The following ZFHX3 variants were observed in gnomAD, a reference collection of about 807,000 sequenced individuals.
ZFHX3 encodes the protein zinc finger homeobox protein 3.
Under a neutral mutation model 279.1 loss-of-function variants are expected in ZFHX3, and 42 were observed. That is an observed-to-expected ratio of 0.15 (90% CI 0.12 to 0.19). The LOEUF is 0.19. ZFHX3 is among the 10% of genes least tolerant of loss of function. The pLI, the probability that ZFHX3 is intolerant of heterozygous loss-of-function variation, is 1.00. For synonymous variants in ZFHX3, 2,293 were observed against 1,957.8 expected, an observed-to-expected ratio of 1.17 and a Z score of -4.52; for missense variants, 4,981 against 4,754.0, an observed-to-expected ratio of 1.05 and a Z score of -1.40.
intron 5 of ZFHX3, among the ~76,000 whole-genome samples, chr16:72,822,726 C>A (rs570266985): frequency 1.3e-5 from 2 of 151,390 alleles, no homozygotes; most frequent in Admixed American, 1.3e-4. Context: ...TTTATCTATA[C>A]CTTGATGATA....
At chr16:73,491,960 G>T (rs193112929) in intron 2 of ZFHX3, among the ~76,000 whole-genome samples, 3 of 152,236 alleles carry the variant, frequency 2.0e-5, no homozygotes, top group African/African-American at 7.2e-5. Flanking sequence ...TCCCCATCTT[G>T]CCCATTGAGT....
intron 4 of ZFHX3, among the ~76,000 whole-genome samples, chr16:72,848,432 G>T (rs2037531628): frequency 6.6e-6 from 1 of 152,036 alleles, no homozygotes; most frequent in Admixed American, 6.6e-5. Flanking sequence ...ATCCACAAGG[G>T]GTCTCTGAGG....
rs192730676 is a variant in ZFHX3, at chr16:73,571,130, C to A, written c.-1547+109050G>T. Among the ~76,000 whole-genome samples the A allele has an allele frequency of 2.6e-5, 4 of 152,004 alleles. No homozygotes were observed. The East Asian group carries it at 5.8e-4, about 22-fold the overall frequency. On this transcript the variant is annotated intron_variant, in intron 2 of 17. Transcript: ENST00000641206. ...ATGGTAACAGCATAATTTTTTATTT[C>A]TTTTGTATTATAATTTAGGCTGACA...
At chr16:73,471,823 T>C (rs1434814216) in intron 2 of ZFHX3, among the ~76,000 whole-genome samples, 3 of 152,212 alleles carry the variant, frequency 2.0e-5, no homozygotes, top group African/African-American at 7.2e-5. Flanking sequence ...ATGAGGAAGC[T>C]GCTTGAATCT....
At position 72,959,496 on chromosome 16, in the gene ZFHX3, T is replaced by A. The variant is rs1961452929; in HGVS notation, c.650A>T (p.Asn217Ile). Residue 217 changes from asparagine (N) to isoleucine (I), a missense_variant, in exon 2 of 10, where the codon AAT becomes ATT. Physicochemically the swap from Asn to Ile is moderately radical, Grantham distance 149. Coordinates refer to ENST00000268489, the MANE Select transcript of ZFHX3 (RefSeq NM_006885.4). ...GCTGAGCCCCGCCAGGGCTGAGGTA[T>A]TCGGGAAAGCCTGGTCTGGGCCCTC... ...WFEGPDQAFP[N>I]TSALAGLSPV... 6.2e-7 allele frequency: 1 copy of A among 1,614,258 alleles called. No individual in the cohort carries two copies.
chr16:73,838,511 GAATACT>G (rs1350544047), intron 1 of ZFHX3, among the ~76,000 whole-genome samples: 3 of 152,184 alleles, frequency 2.0e-5, no homozygotes, highest in African/African-American at 7.2e-5. Context: ...GAACTTCAAT[GAATACT>G]AATATAGCTT....
chr16:73,890,258 C>CA lies in ZFHX3; in HGVS notation c.-1608+1392dup, dbSNP rs1285852946. On this transcript the variant is annotated intron_variant, in intron 1 of 17. Transcript: ENST00000641206. ...AAAAAACCAAAAAAAAAAAAAACAACAAAAAAAAACCTCTCCCTTCTTCCC... is the reference window on the plus strand; with the variant it reads ...AAAAAACCAAAAAAAAAAAAAACAACAAAAAAAAAACCTCTCCCTTCTTCCC... 7.6e-3 allele frequency among the ~76,000 whole-genome samples: 1,043 copies of CA among 136,854 alleles called. 9 individuals carry two copies. The highest frequency in any genetic ancestry group is 0.026 in the African/African-American group (961 of 36,804). 89.8% of individuals were successfully genotyped at this position (136,854 alleles called of 152,430 possible).
intron 2 of ZFHX3, among the ~76,000 whole-genome samples, chr16:73,488,392 G>A (rs1471997849): frequency 6.6e-6 from 1 of 152,198 alleles, no homozygotes; most frequent in Non-Finnish European, 1.5e-5. Flanking sequence ...GAAGGCGAGA[G>A]TGATGGAGAG....
chr16:73,792,627 A>C (rs956257874), intron 1 of ZFHX3, among the ~76,000 whole-genome samples: 5 of 152,188 alleles, frequency 3.3e-5, no homozygotes, highest in Non-Finnish European at 4.4e-5. Flanking sequence ...CTTTAAGTTA[A>C]AAGGGTGAAA....
intron 5 of ZFHX3, among the ~76,000 whole-genome samples, chr16:73,172,996 GT>G (rs1157843511): frequency 2.8e-4 from 7 of 25,286 alleles, no homozygotes; most frequent in South Asian, 1.4e-3. Context: ...CTGTTTTTTT[GT>G]TTTTTTTTTT....
At chr16:73,795,165 C>T (rs1176001691) in intron 1 of ZFHX3, among the ~76,000 whole-genome samples, 1 of 152,202 alleles carries the variant, frequency 6.6e-6, no homozygotes, top group Non-Finnish European at 1.5e-5. Flanking sequence ...CAGACCGCAG[C>T]CAGGAGTCTG....
intron 2 of ZFHX3, among the ~76,000 whole-genome samples, chr16:73,615,895 C>G (rs769419765): frequency 1.3e-5 from 2 of 152,176 alleles, no homozygotes; most frequent in South Asian, 2.1e-4. Flanking sequence ...CTGTTCCCCT[C>G]TATGATGCTT....
chr16:73,232,436 G>C (rs902661101), intron 5 of ZFHX3: 1 of 152,174 alleles, frequency 6.6e-6, no homozygotes, highest in Non-Finnish European at 1.5e-5. Flanking sequence ...CTGGGTCTGC[G>C]GCTGTCGGCA....
chr16:73,465,324 G>A (rs977622846), intron 2 of ZFHX3, among the ~76,000 whole-genome samples: 3 of 152,162 alleles, frequency 2.0e-5, no homozygotes, highest in Non-Finnish European at 4.4e-5. Flanking sequence ...AAGTCTTCAG[G>A]GCGTGTATTT....
intron 2 of ZFHX3, among the ~76,000 whole-genome samples, chr16:73,640,405 G>T (rs563836751): frequency 1.1e-5 from 1 of 87,020 alleles, no homozygotes; most frequent in African/African-American, 4.7e-5. Context: ...TGAATCACAG[G>T]GACAGAAATA....
intron 2 of ZFHX3, among the ~76,000 whole-genome samples, chr16:73,478,087 A>G (rs914112313): frequency 1.3e-5 from 2 of 152,066 alleles, no homozygotes; most frequent in African/African-American, 4.8e-5. Flanking sequence ...CCTGGCCAAC[A>G]TGGTGAAACC....
At chr16:73,589,959 T>C (rs2051977230) in intron 2 of ZFHX3, among the ~76,000 whole-genome samples, 1 of 152,146 alleles carries the variant, frequency 6.6e-6, no homozygotes, top group African/African-American at 2.4e-5. Context: ...AAGTTGACAG[T>C]ACATCTAAAT....
chr16:72,875,217 G>A (rs1405458102), intron 4 of ZFHX3, among the ~76,000 whole-genome samples: 1 of 152,162 alleles, frequency 6.6e-6, no homozygotes, highest in Non-Finnish European at 1.5e-5. Flanking sequence ...AAACTTACAG[G>A]CCAGTAAGGT....
chr16:73,360,464 G>T (rs995808102), intron 3 of ZFHX3, among the ~76,000 whole-genome samples: 1 of 152,154 alleles, frequency 6.6e-6, no homozygotes, highest in African/African-American at 2.4e-5. Flanking sequence ...TCAGCCTTCC[G>T]AGTAGCTGGG....
Sources: allele counts gnomAD v4.1 joint callset (sites outside exome capture counted in the v4.1 genomes callset), GRCh38; gene constraint gnomAD v4.1.1; transcripts MANE v1.5; gene names NCBI Gene and HGNC (gene_info 2026-07-23, HGNC 2026-07-21).